GTF2F2: variants seen among roughly 807,000 people sequenced by gnomAD.
The protein encoded by GTF2F2 is general transcription factor IIF subunit 2.
Under a neutral mutation model 42.2 loss-of-function variants are expected in GTF2F2, and 23 were observed. That is an observed-to-expected ratio of 0.55 (90% CI 0.39 to 0.77). GTF2F2 has a LOEUF of 0.77. GTF2F2 is among the 30% of genes least tolerant of loss of function. GTF2F2 has a pLI of 0.00. For synonymous variants in GTF2F2, 105 were observed against 100.8 expected (o/e 1.04, Z -0.25); for missense variants, 261 against 287.2 (o/e 0.91, Z 0.66).
chr13:45,232,953 T>C (rs1874762710), intron 5 of GTF2F2, among the ~76,000 whole-genome samples: 1 of 152,250 alleles, frequency 6.6e-6, no homozygotes, highest in Admixed American at 6.5e-5. Context: ...TCTGATCTAA[T>C]CTTAAATGAT....
At chr13:45,144,936 C>T (rs1870121642) in intron 2 of GTF2F2, among the ~76,000 whole-genome samples, 1 of 152,130 alleles carries the variant, frequency 6.6e-6, no homozygotes, top group South Asian at 2.1e-4. Context: ...ATAACTTACA[C>T]AACATGCACA....
chr13:45,220,185 G>A (rs1036390758), intron 5 of GTF2F2, among the ~76,000 whole-genome samples: 2 of 152,106 alleles, frequency 1.3e-5, no homozygotes, highest in African/African-American at 4.8e-5. Flanking sequence ...AGCTGCCCAG[G>A]GTTTGATCAC....
rs757122143 is a variant in GTF2F2, at chr13:45,193,951, G to A, written c.305-13473G>A. On this transcript the variant is annotated intron_variant, in intron 4 of 7. Transcript: ENST00000340473. ...GTTGTCTTCCTTTAGTACAAGTCGAGTGCCATTTTCAGACTTTATGAAGTA... is the reference window on the plus strand; with the variant it reads ...GTTGTCTTCCTTTAGTACAAGTCGAATGCCATTTTCAGACTTTATGAAGTA... The A allele has an allele frequency of 2.0e-5, 32 of 1,613,914 alleles. No individual in the cohort carries two copies. The highest frequency in any genetic ancestry group is 8.5e-7 in the Non-Finnish European group (1 of 1,179,982).
chr13:45,215,478 A>G (rs1276930826), intron 5 of GTF2F2, among the ~76,000 whole-genome samples: 2 of 152,134 alleles, frequency 1.3e-5, no homozygotes, highest in Non-Finnish European at 2.9e-5. Context: ...ACTAAAACTG[A>G]GCCGGGCGTG....
chr13:45,273,655 A>ATTTTTTTTTTT lies in GTF2F2; in HGVS notation c.630+6286_630+6296dup, dbSNP rs773254844. ...CCACTTGATTTTAAAGAGTGGTAAA[A>ATTTTTTTTTTT]TTTTTTTTTTTTTTTTTGAGACGGA... On this transcript the variant is annotated intron_variant, in intron 7 of 7. Transcript: ENST00000340473. Among the ~76,000 whole-genome samples, 22 of 123,884 alleles carry ATTTTTTTTTTT rather than the reference A, an allele frequency of 1.8e-4. 1 individual carries two copies. The highest frequency in any genetic ancestry group is 7.2e-4 in the South Asian group (3 of 4,168). 81.3% of individuals were successfully genotyped at this position (123,884 alleles called of 152,430 possible). A position where few individuals can be genotyped will look rare whatever the true frequency, so the allele number is the denominator to read the frequency against.
chr13:45,255,906 A>G (rs1876084464), intron 6 of GTF2F2, among the ~76,000 whole-genome samples: 2 of 152,158 alleles, frequency 1.3e-5, no homozygotes, highest in African/African-American at 2.4e-5. Context: ...AAGTTTGGTA[A>G]TTTATGTCAA....
intron 4 of GTF2F2, among the ~76,000 whole-genome samples, chr13:45,197,341 TAAA>T (rs67534725): frequency 7.3e-6 from 1 of 137,104 alleles, no homozygotes. Flanking sequence ...TACCAAAAAT[TAAA>T]AAAAAAAAAA....
chr13:45,123,306 C>T (rs941354064), intron 1 of GTF2F2: 3 of 152,182 alleles, frequency 2.0e-5, no homozygotes, highest in Admixed American at 1.3e-4. Context: ...TACTCCCCTG[C>T]TAGAACCTCC....
chr13:45,147,217 G>A (rs1324260056), intron 2 of GTF2F2, among the ~76,000 whole-genome samples: 1 of 152,054 alleles, frequency 6.6e-6, no homozygotes, highest in East Asian at 1.9e-4. Context: ...TCTTCTCTTA[G>A]TTTTAACAAT....
intron 7 of GTF2F2, among the ~76,000 whole-genome samples, chr13:45,281,117 T>G (rs1173084749): frequency 6.6e-6 from 1 of 152,236 alleles, no homozygotes; most frequent in African/African-American, 2.4e-5. Flanking sequence ...CATTTTATAT[T>G]ACCTAGATAT....
At chr13:45,143,509 C>G (rs550492977) in intron 2 of GTF2F2, among the ~76,000 whole-genome samples, 1 of 152,296 alleles carries the variant, frequency 6.6e-6, no homozygotes, top group African/African-American at 2.4e-5. Flanking sequence ...AATAAGAGTT[C>G]TCCTGCTGTT....
chr13:45,155,763 A>G (rs148596344), intron 4 of GTF2F2, among the ~76,000 whole-genome samples: 72 of 152,122 alleles, frequency 4.7e-4, no homozygotes, highest in Non-Finnish European at 7.5e-4. Flanking sequence ...AAAATGATCT[A>G]TTAATATTTT....
intron 7 of GTF2F2, among the ~76,000 whole-genome samples, chr13:45,271,106 C>T (rs1876771426): frequency 6.6e-6 from 1 of 152,080 alleles, no homozygotes; most frequent in African/African-American, 2.4e-5. Context: ...TCCTGGCTAA[C>T]ACGGTGAAAC....
chr13:45,142,818 G>A (rs1222082614), intron 2 of GTF2F2, among the ~76,000 whole-genome samples: 1 of 152,152 alleles, frequency 6.6e-6, no homozygotes, highest in Non-Finnish European at 1.5e-5. Context: ...AACAAGTGTA[G>A]GATGGGTGGG....
At chr13:45,186,735 T>C (rs1014721155) in intron 4 of GTF2F2, among the ~76,000 whole-genome samples, 5 of 152,224 alleles carry the variant, frequency 3.3e-5, no homozygotes, top group African/African-American at 1.2e-4. Flanking sequence ...AAAATTAGTA[T>C]CACTCAACAT....
intron 6 of GTF2F2, among the ~76,000 whole-genome samples, chr13:45,265,017 T>C (rs1262112366): frequency 2.0e-5 from 3 of 152,072 alleles, no homozygotes; most frequent in Non-Finnish European, 4.4e-5. Flanking sequence ...TCCTAGCACT[T>C]TGGGAGGCCG....
At chr13:45,228,635 T>C (rs1463990280) in intron 5 of GTF2F2, among the ~76,000 whole-genome samples, 1 of 150,658 alleles carries the variant, frequency 6.6e-6, no homozygotes. Flanking sequence ...TCTGCTTATC[T>C]CGCCTCATTC....
intron 7 of GTF2F2, among the ~76,000 whole-genome samples, chr13:45,281,803 G>A (rs1233112426): frequency 6.6e-6 from 1 of 152,118 alleles, no homozygotes. Flanking sequence ...TCCATCAATG[G>A]GATGAGTCAT....
intron 4 of GTF2F2, among the ~76,000 whole-genome samples, chr13:45,203,567 C>T (rs184254244): frequency 6.6e-6 from 1 of 152,150 alleles, no homozygotes; most frequent in East Asian, 1.9e-4. Context: ...ATCATCTTAC[C>T]AAAGCATTCT....
Sources: gnomAD v4.1 joint callset for allele counts (sites outside exome capture counted in the v4.1 genomes callset) on GRCh38, gnomAD v4.1.1 for gene constraint, MANE v1.5 for transcripts, NCBI Gene and HGNC (gene_info 2026-07-23, HGNC 2026-07-21) for gene names.